Variants in TRPC6 observed in about 807,000 individuals in gnomAD.
TRPC6 encodes the protein short transient receptor potential channel 6.
Under a neutral mutation model 90.7 loss-of-function variants are expected in TRPC6, and 55 were observed. The observed-to-expected ratio is 0.61, with a 90% confidence interval of 0.49 to 0.76. TRPC6 has a LOEUF of 0.76. Among genes scored for constraint, TRPC6 ranks in the 30% least tolerant of loss-of-function variants. The probability of loss-of-function intolerance (pLI) is 0.00; values close to 1 mark genes in which losing one functional copy is unlikely to be tolerated. For synonymous variants in TRPC6, 393 were observed against 393.0 expected (o/e 1.00, Z 0.00); for missense variants, 989 against 1,122.7 (o/e 0.88, Z 1.70).
chr11:101,567,345 C>A (rs1428303400), intron 1 of TRPC6, among the ~76,000 whole-genome samples: 5 of 91,584 alleles, frequency 5.5e-5, no homozygotes, highest in African/African-American at 1.9e-4. Context: ...CAGGGCATCT[C>A]TGAAAAAAAA....
chr11:101,477,533 G>A (rs1859444712), intron 5 of TRPC6, among the ~76,000 whole-genome samples: 1 of 152,096 alleles, frequency 6.6e-6, no homozygotes. Context: ...TCTTTTTCTG[G>A]TAGAATTATT....
intron 1 of TRPC6, among the ~76,000 whole-genome samples, chr11:101,566,555 T>C (rs1206152756): frequency 6.6e-6 from 1 of 152,180 alleles, no homozygotes; most frequent in Non-Finnish European, 1.5e-5. Context: ...ATCAAGAATA[T>C]ATCACCCAGG....
intron 2 of TRPC6, among the ~76,000 whole-genome samples, chr11:101,494,441 CTTTAT>C (rs1032147449): frequency 6.6e-6 from 1 of 152,118 alleles, no homozygotes; most frequent in African/African-American, 2.4e-5. Context: ...ATTGTAACTA[CTTTAT>C]TTTATATCAT....
chr11:101,567,072 G>A (rs1261329001), intron 1 of TRPC6, among the ~76,000 whole-genome samples: 2 of 143,046 alleles, frequency 1.4e-5, no homozygotes, highest in Admixed American at 6.8e-5. Context: ...GGGGCGGGGT[G>A]GGGGGGGTCC....
At chr11:101,471,449 T>C in intron 8 of TRPC6, 63 bp from the exon 9 acceptor site, 1 of 1,550,794 alleles carries the variant, frequency 6.4e-7, no homozygotes, top group Non-Finnish European at 8.9e-7. Context: ...GGGATGCTTT[T>C]AACATTGTGT....
chr11:101,467,370 C>T (rs1329015548), intron 10 of TRPC6, among the ~76,000 whole-genome samples: 2 of 152,146 alleles, frequency 1.3e-5, no homozygotes, highest in Non-Finnish European at 2.9e-5. Context: ...TTCCTGCTCT[C>T]TAGTAATAGC....
At chr11:101,576,465 G>C (rs1862072545) in intron 1 of TRPC6, among the ~76,000 whole-genome samples, 1 of 152,160 alleles carries the variant, frequency 6.6e-6, no homozygotes, top group African/African-American at 2.4e-5. Flanking sequence ...TCTAAACAGA[G>C]ATTCTATAAG....
intron 1 of TRPC6, among the ~76,000 whole-genome samples, chr11:101,551,722 T>C (rs559280386): frequency 7.6e-4 from 116 of 152,218 alleles, no homozygotes; most frequent in Non-Finnish European, 1.4e-3. Context: ...TCTACACATA[T>C]TGTGTGCAAA....
At chr11:101,564,996 T>G (rs1861797623) in intron 1 of TRPC6, among the ~76,000 whole-genome samples, 1 of 151,980 alleles carries the variant, frequency 6.6e-6, no homozygotes, top group Non-Finnish European at 1.5e-5. Flanking sequence ...ATAAATGATA[T>G]GGAAAAACTG....
At chr11:101,455,175 C>G (rs1021251094) in intron 10 of TRPC6, 74 bp from the exon 11 acceptor site, 1 of 1,142,766 alleles carries the variant, frequency 8.8e-7, no homozygotes, top group Non-Finnish European at 1.3e-6. Flanking sequence ...GATTAGTTAT[C>G]TAATGAACTA....
intron 1 of TRPC6, among the ~76,000 whole-genome samples, chr11:101,571,305 A>G (rs1029934639): frequency 6.6e-6 from 1 of 152,186 alleles, no homozygotes; most frequent in Admixed American, 6.5e-5. Context: ...TAGGAATCCA[A>G]CTTGCAAGGG....
chr11:101,529,289 A>T (rs903907325), intron 1 of TRPC6, among the ~76,000 whole-genome samples: 1 of 152,210 alleles, frequency 6.6e-6, no homozygotes, highest in African/African-American at 2.4e-5. Flanking sequence ...AGGGATGGTG[A>T]GACATAGAAG....
chr11:101,457,801 G>C (rs542924245), intron 10 of TRPC6, among the ~76,000 whole-genome samples: 1 of 152,230 alleles, frequency 6.6e-6, no homozygotes, highest in East Asian at 1.9e-4. Flanking sequence ...GAATTAAAGA[G>C]ATGGGGTATA....
chr11:101,497,807 G>T (rs1006244853), intron 2 of TRPC6, among the ~76,000 whole-genome samples: 1 of 151,942 alleles, frequency 6.6e-6, no homozygotes, highest in African/African-American at 2.4e-5. Flanking sequence ...TGTCATCTAG[G>T]TTTTAAGCCC....
chr11:101,458,951 A>G (rs1858943540), intron 10 of TRPC6, among the ~76,000 whole-genome samples: 2 of 152,224 alleles, frequency 1.3e-5, no homozygotes, highest in Non-Finnish European at 2.9e-5. Flanking sequence ...GAAAGAATGA[A>G]CCATGAGAGT....
At chr11:101,555,197 C>A (rs1328307549) in intron 1 of TRPC6, among the ~76,000 whole-genome samples, 1 of 152,260 alleles carries the variant, frequency 6.6e-6, no homozygotes, top group South Asian at 2.1e-4. Context: ...TTGATGAAAT[C>A]AGGCTTCACC....
chr11:101,530,837 A>C (rs1182919450), intron 1 of TRPC6, among the ~76,000 whole-genome samples: 1 of 152,224 alleles, frequency 6.6e-6, no homozygotes, highest in Non-Finnish European at 1.5e-5. Flanking sequence ...ATATTTAATA[A>C]ATAAATAGAA....
At chr11:101,538,201 C>G (rs1038854285) in intron 1 of TRPC6, among the ~76,000 whole-genome samples, 1 of 151,984 alleles carries the variant, frequency 6.6e-6, no homozygotes, top group African/African-American at 2.4e-5. Context: ...AGTTCTGTTA[C>G]CTCCTTTCTG....
intron 1 of TRPC6, among the ~76,000 whole-genome samples, chr11:101,548,333 G>T (rs1208457282): frequency 7.2e-5 from 7 of 97,574 alleles, no homozygotes; most frequent in East Asian, 5.2e-4. Flanking sequence ...ATATATAATT[G>T]AAATACAATA....
Sources: gnomAD v4.1 joint callset for allele counts (sites outside exome capture counted in the v4.1 genomes callset) on GRCh38, gnomAD v4.1.1 for gene constraint, MANE v1.5 for transcripts, NCBI Gene and HGNC (gene_info 2026-07-23, HGNC 2026-07-21) for gene names.